The following UGT1A6 variants were observed in gnomAD, a reference collection of about 807,000 sequenced individuals.
The protein encoded by UGT1A6 is UDP-glucuronosyltransferase 1A6.
In UGT1A6, 32 loss-of-function variants were observed where a neutral mutation model predicts 44.4. The ratio of observed to expected loss-of-function variants is 0.72; its 90% confidence interval spans 0.54 to 0.97. UGT1A6 has a LOEUF of 0.97. UGT1A6 is among the 50% of genes least tolerant of loss of function. The probability of loss-of-function intolerance (pLI) is 0.00; values close to 1 mark genes in which losing one functional copy is unlikely to be tolerated. For missense variants in UGT1A6, 685 were observed against 661.9 expected (o/e 1.03, Z -0.38); for synonymous variants, 238 against 248.5 (o/e 0.96, Z 0.40).
At chr2:233,711,206 C>T (rs1343075112) in intron 1 of UGT1A6, among the ~76,000 whole-genome samples, 1 of 152,254 alleles carries the variant, frequency 6.6e-6, no homozygotes, top group African/African-American at 2.4e-5. Flanking sequence ...GTCCTGCTCT[C>T]CCCAGTGCTC....
At chr2:233,704,682 G>A (rs966560618) in intron 1 of UGT1A6, among the ~76,000 whole-genome samples, 2 of 152,060 alleles carry the variant, frequency 1.3e-5, no homozygotes, top group Non-Finnish European at 2.9e-5. Flanking sequence ...ATGGATCTGA[G>A]TTACCTTATG....
At chr2:233,703,677 A>AT (rs1271383463) in intron 1 of UGT1A6, among the ~76,000 whole-genome samples, 3 of 151,838 alleles carry the variant, frequency 2.0e-5, no homozygotes, top group Non-Finnish European at 4.4e-5. Flanking sequence ...TTCATGATAT[A>AT]TTTTTTTTCC....
rs552027394 is a variant in UGT1A6, at chr2:233,768,534, G to A, written c.1301+95G>A. On this transcript the variant is annotated intron_variant, in intron 4 of 4. Transcript: ENST00000305139. ...CATTTACGTAGCATTTAATAGCGTT[G>A]TTTCAAATATAAAAACAAATACATA... 263 of 1,375,928 alleles carry A rather than the reference G, an allele frequency of 1.9e-4. 3 individuals carry two copies. In the South Asian group the frequency reaches 4.1e-3, roughly 21 times the overall value. The allele number at this position is 1,375,928 out of a possible 1,614,324, so 85.2% of individuals were successfully genotyped here.
At chr2:233,761,199 A>G (rs767135825) in intron 1 of UGT1A6, 6 of 1,614,054 alleles carry the variant, frequency 3.7e-6, no homozygotes, top group Admixed American at 1.7e-5. Flanking sequence ...TTTCAGATGT[A>G]TTACTTTGGA....
intron 1 of UGT1A6, chr2:233,760,313 G>T (rs761736540): frequency 6.2e-7 from 1 of 1,613,818 alleles, no homozygotes. Context: ...CAGGGCGGAC[G>T]CCCACTTGTC....
In UGT1A6 at chr2:233,748,516, C is replaced by T. The variant is rs60390282; in HGVS notation, c.862-18518C>T. On this transcript the variant is annotated intron_variant, in intron 1 of 4. Transcript: ENST00000305139. ...GATAATTTTTAGTGGTCCTGTCTTGCGAATGATAGAGAGGTGACCACAGGA... is the reference window on the plus strand; with the variant it reads ...GATAATTTTTAGTGGTCCTGTCTTGTGAATGATAGAGAGGTGACCACAGGA... Among the ~76,000 whole-genome samples, 169 of 151,786 alleles carry T rather than the reference C, an allele frequency of 1.1e-3. 1 individual carries two copies. Among genetic ancestry groups the T allele is most frequent in the African/African-American group, 4.1e-3 (168 of 41,150 alleles).
intron 1 of UGT1A6, chr2:233,717,976 A>G (rs2076619193): frequency 1.8e-5 from 8 of 446,196 alleles, no homozygotes; most frequent in Middle Eastern, 7.0e-4. Context: ...GGCATTCAGA[A>G]GAGGAATTCA....
At chr2:233,703,966 C>T (rs910344544) in intron 1 of UGT1A6, among the ~76,000 whole-genome samples, 12 of 152,032 alleles carry the variant, frequency 7.9e-5, no homozygotes, top group African/African-American at 2.9e-4. Context: ...TCTTGGCCCA[C>T]TGCAACCTCC....
chr2:233,729,140 T>A (rs764216877), intron 1 of UGT1A6: 1 of 1,613,384 alleles, frequency 6.2e-7, no homozygotes, highest in Admixed American at 1.7e-5. Flanking sequence ...GCCACAGGAC[T>A]CCAGGTTCCC....
intron 1 of UGT1A6, among the ~76,000 whole-genome samples, chr2:233,696,091 T>TCAAAA (rs918260053): frequency 2.6e-4 from 39 of 152,170 alleles, no homozygotes; most frequent in Admixed American, 1.9e-3. Flanking sequence ...TGGAGAGTCT[T>TCAAAA]CAAAACAAAA....
chr2:233,722,246 G>C (rs1029128389), intron 1 of UGT1A6, among the ~76,000 whole-genome samples: 4 of 152,178 alleles, frequency 2.6e-5, no homozygotes, highest in Non-Finnish European at 4.4e-5. Context: ...TATTATCTGT[G>C]ACAGACACGC....
At chr2:233,768,734 C>T (rs1487456172) in intron 4 of UGT1A6, among the ~76,000 whole-genome samples, 1 of 151,720 alleles carries the variant, frequency 6.6e-6, no homozygotes, top group Non-Finnish European at 1.5e-5. Context: ...AGGTGTCCAC[C>T]ACCACGCCCG....
At chr2:233,733,336 C>T (rs185739129) in intron 1 of UGT1A6, among the ~76,000 whole-genome samples, 4 of 152,264 alleles carry the variant, frequency 2.6e-5, no homozygotes, top group Admixed American at 2.6e-4. Context: ...CCAGAACTTC[C>T]AACAGTATGT....
chr2:233,746,330 C>T (rs1183707871), intron 1 of UGT1A6, among the ~76,000 whole-genome samples: 1 of 151,730 alleles, frequency 6.6e-6, no homozygotes, highest in African/African-American at 2.4e-5. Context: ...ATCTACAGGG[C>T]AATGGACATG....
intron 1 of UGT1A6, among the ~76,000 whole-genome samples, chr2:233,737,953 A>C (rs1429614905): frequency 6.6e-6 from 1 of 152,112 alleles, no homozygotes; most frequent in East Asian, 1.9e-4. Context: ...GTTTCCCAAC[A>C]TGAGGTCACA....
At chr2:233,743,853 C>G (rs759074098) in intron 1 of UGT1A6, 129 of 1,367,160 alleles carry the variant, frequency 9.4e-5, no homozygotes, top group Non-Finnish European at 1.2e-4. Context: ...TTGCGGTACG[C>G]CTTCTTGATG....
intron 1 of UGT1A6, among the ~76,000 whole-genome samples, chr2:233,704,320 T>G (rs907259559): frequency 1.3e-5 from 2 of 151,752 alleles, no homozygotes; most frequent in African/African-American, 2.4e-5. Context: ...CTTTAATGTT[T>G]TTCTTTCCAC....
At chr2:233,703,835 C>A (rs2075754934) in intron 1 of UGT1A6, among the ~76,000 whole-genome samples, 1 of 151,934 alleles carries the variant, frequency 6.6e-6, no homozygotes, top group Admixed American at 6.6e-5. Context: ...TTGTTTAATC[C>A]ATTCACATTT....
chr2:233,707,201 CCTTTCCAT>C (rs2075948613), intron 1 of UGT1A6, among the ~76,000 whole-genome samples: 1 of 152,062 alleles, frequency 6.6e-6, no homozygotes, highest in South Asian at 2.1e-4. Flanking sequence ...CGTTCTATTC[CCTTTCCAT>C]CTTTTCTCTG....
Sources: gnomAD v4.1 joint callset for allele counts (sites outside exome capture counted in the v4.1 genomes callset) on GRCh38, gnomAD v4.1.1 for gene constraint, MANE v1.5 for transcripts, NCBI Gene and HGNC (gene_info 2026-07-23, HGNC 2026-07-21) for gene names.